GMDS: variants seen among roughly 807,000 people sequenced by gnomAD.
The protein encoded by GMDS is GDP-mannose 4,6-dehydratase, also known as GDP-mannose 4,6 dehydratase.
A neutral mutation model predicts 49.9 loss-of-function variants in GMDS; 20 were observed. That is an observed-to-expected ratio of 0.40 (90% CI 0.28 to 0.58). The LOEUF (loss-of-function observed/expected upper bound fraction) is 0.58. Ranked by LOEUF, GMDS falls within the 20% of genes least tolerant of loss-of-function variation. The pLI is 0.42. For synonymous variants in GMDS, 177 were observed against 178.6 expected, an observed-to-expected ratio of 0.99 and a Z score of 0.07; for missense variants, 362 against 481.4, an observed-to-expected ratio of 0.75 and a Z score of 2.32.
chr6:1,879,880 TGTATTTAAGG>T (rs1472329796), intron 7 of GMDS, among the ~76,000 whole-genome samples: 1 of 152,056 alleles, frequency 6.6e-6, no homozygotes, highest in African/African-American at 2.4e-5. Flanking sequence ...ACCCTGATAC[TGTATTTAAGG>T]GTATAAGAGG....
chr6:1,721,231 C>G (rs1233598174), intron 9 of GMDS, among the ~76,000 whole-genome samples: 1 of 152,160 alleles, frequency 6.6e-6, no homozygotes, highest in East Asian at 1.9e-4. Context: ...GTAATTTGAT[C>G]AGAAACAGGC....
intron 1 of GMDS, among the ~76,000 whole-genome samples, chr6:2,155,960 C>T (rs1449726972): frequency 1.3e-5 from 2 of 151,686 alleles, no homozygotes; most frequent in African/African-American, 2.4e-5. Flanking sequence ...AGAAATAAAC[C>T]CACAACAAAA....
intron 1 of GMDS, among the ~76,000 whole-genome samples, chr6:2,190,544 C>T (rs1778966707): frequency 6.6e-6 from 1 of 152,208 alleles, no homozygotes; most frequent in Non-Finnish European, 1.5e-5. Context: ...AGGTCAGTGT[C>T]CTCTCGGACA....
At chr6:1,919,522 A>G in intron 7 of GMDS, among the ~76,000 whole-genome samples, 1 of 152,216 alleles carries the variant, frequency 6.6e-6, no homozygotes, top group East Asian at 1.9e-4. Flanking sequence ...AACTGGCCCT[A>G]GTAGAAGTCC....
chr6:1,742,919 G>A (rs1221047058), intron 7 of GMDS, among the ~76,000 whole-genome samples: 1 of 152,146 alleles, frequency 6.6e-6, no homozygotes, highest in Non-Finnish European at 1.5e-5. Flanking sequence ...ATGTGAAGCA[G>A]TGTCTATGGC....
intron 7 of GMDS, among the ~76,000 whole-genome samples, chr6:1,771,533 AT>A (rs2113581380): frequency 6.6e-6 from 1 of 152,388 alleles, no homozygotes; most frequent in Non-Finnish European, 1.5e-5. Flanking sequence ...GGTGGCTACA[AT>A]AGTGTGCACT....
At chr6:1,891,809 C>T (rs1408922250) in intron 7 of GMDS, among the ~76,000 whole-genome samples, 3 of 152,174 alleles carry the variant, frequency 2.0e-5, no homozygotes, top group Non-Finnish European at 4.4e-5. Context: ...TTCCTATGCA[C>T]ACTAGAAGTT....
intron 7 of GMDS, among the ~76,000 whole-genome samples, chr6:1,751,822 A>G (rs916312500): frequency 2.0e-5 from 3 of 152,206 alleles, no homozygotes; most frequent in Non-Finnish European, 4.4e-5. Flanking sequence ...AAACTAACAG[A>G]AAGAAATAGC....
At chr6:1,958,265 C>T (rs1314474534) in intron 6 of GMDS, among the ~76,000 whole-genome samples, 1 of 151,938 alleles carries the variant, frequency 6.6e-6, no homozygotes, top group Non-Finnish European at 1.5e-5. Flanking sequence ...TTTCCCTATC[C>T]TGACCTGATT....
intron 7 of GMDS, among the ~76,000 whole-genome samples, chr6:1,750,724 C>A (rs1472487843): frequency 6.6e-6 from 1 of 151,974 alleles, no homozygotes; most frequent in Admixed American, 6.5e-5. Context: ...TGAGAAAGAA[C>A]CGTTCACTCC....
At chr6:2,099,370 GGTTT>G (rs1455081533) in intron 4 of GMDS, among the ~76,000 whole-genome samples, 1 of 152,030 alleles carries the variant, frequency 6.6e-6, no homozygotes, top group African/African-American at 2.4e-5. Context: ...GCATGAAATA[GGTTT>G]GTTTGTATTT....
At chr6:2,103,679 A>C (rs1774054473) in intron 4 of GMDS, among the ~76,000 whole-genome samples, 1 of 152,210 alleles carries the variant, frequency 6.6e-6, no homozygotes, top group Non-Finnish European at 1.5e-5. Context: ...ACTTCATTAG[A>C]TCCTCATGAC....
At chr6:2,140,314 G>T (rs1250483044) in intron 1 of GMDS, among the ~76,000 whole-genome samples, 1 of 152,094 alleles carries the variant, frequency 6.6e-6, no homozygotes, top group African/African-American at 2.4e-5. Flanking sequence ...CAAGTCAAGG[G>T]ATTCCAGCAG....
chr6:1,778,669 C>T lies in GMDS; in HGVS notation c.772-36083G>A, dbSNP rs925150155. Reference sequence around the variant, plus strand: ...TAACCTCTGAAGGCCTAGACTTGCCCCAAATCCATTATTTTTGTCTGTCAC... The same window carrying T: ...TAACCTCTGAAGGCCTAGACTTGCCTCAAATCCATTATTTTTGTCTGTCAC... On this transcript the variant is annotated intron_variant, in intron 7 of 10. Coordinates refer to ENST00000380815, the MANE Select transcript of GMDS (RefSeq NM_001500.4). The surrounding 1 kb of genome is among the most constrained non-coding windows in gnomAD (Gnocchi z 4.6). Among the ~76,000 whole-genome samples the T allele has an allele frequency of 7.9e-5, 12 of 152,118 alleles. No homozygotes were observed. Among genetic ancestry groups the T allele is most frequent in the Non-Finnish European group, 1.3e-4 (9 of 68,022 alleles).
intron 6 of GMDS, among the ~76,000 whole-genome samples, chr6:1,954,886 A>G (rs898765457): frequency 1.3e-5 from 2 of 152,186 alleles, no homozygotes; most frequent in African/African-American, 2.4e-5. Flanking sequence ...TTGGTGGAGC[A>G]GCCAGAACAC....
At chr6:1,907,870 C>T (rs1760853742) in intron 7 of GMDS, among the ~76,000 whole-genome samples, 4 of 152,184 alleles carry the variant, frequency 2.6e-5, no homozygotes. Flanking sequence ...GTTCCAAAGT[C>T]CCCGGTGGAT....
intron 7 of GMDS, among the ~76,000 whole-genome samples, chr6:1,877,357 C>T (rs1310341643): frequency 2.6e-5 from 4 of 151,956 alleles, no homozygotes; most frequent in Non-Finnish European, 5.9e-5. Flanking sequence ...AAGATACATC[C>T]AGCAGAGCAT....
chr6:2,035,972 C>T (rs1002955901), intron 4 of GMDS, among the ~76,000 whole-genome samples: 3 of 152,160 alleles, frequency 2.0e-5, no homozygotes, highest in East Asian at 1.9e-4. Flanking sequence ...CAGGTATGAG[C>T]CACCGCGCCC....
intron 9 of GMDS, chr6:1,679,502 C>A (rs886887898): frequency 6.6e-6 from 1 of 152,244 alleles, no homozygotes; most frequent in Non-Finnish European, 1.5e-5. Flanking sequence ...AATGCTGCTC[C>A]GTGCTGATCT....
Sources: allele counts gnomAD v4.1 joint callset (sites outside exome capture counted in the v4.1 genomes callset), GRCh38; gene constraint gnomAD v4.1.1; non-coding constraint Gnocchi (gnomAD v3.1); transcripts MANE v1.5; gene names NCBI Gene and HGNC (gene_info 2026-07-23, HGNC 2026-07-21).